LCLAT1: variants seen among roughly 807,000 people sequenced by gnomAD.
The protein encoded by LCLAT1 is 1-AGP acyltransferase 8.
LCLAT1 carries 11 observed loss-of-function variants against 30.7 expected under a neutral mutation model. That is an observed-to-expected ratio of 0.36 (90% CI 0.23 to 0.59). The LOEUF is 0.59. Ranked by LOEUF, LCLAT1 falls within the 20% of genes least tolerant of loss-of-function variation. The pLI, the probability that LCLAT1 is intolerant of heterozygous loss-of-function variation, is 0.77. For synonymous variants in LCLAT1, 155 were observed against 151.3 expected (o/e 1.02, Z -0.18); for missense variants, 402 against 458.6 (o/e 0.88, Z 1.13).
intron 5 of LCLAT1, among the ~76,000 whole-genome samples, chr2:30,608,685 C>CCA (rs1394171341): frequency 6.6e-6 from 1 of 152,096 alleles, no homozygotes; most frequent in Non-Finnish European, 1.5e-5. Flanking sequence ...GAGCAACAGG[C>CCA]CATACCATAT....
At chr2:30,462,186 T>C (rs1398330640) in intron 1 of LCLAT1, among the ~76,000 whole-genome samples, 1 of 152,182 alleles carries the variant, frequency 6.6e-6, no homozygotes, top group East Asian at 1.9e-4. Context: ...TGGAGTCCAA[T>C]AGGCTCAAAT....
At chr2:30,559,378 GTCA>G (rs1665087937) in intron 3 of LCLAT1, among the ~76,000 whole-genome samples, 1 of 152,142 alleles carries the variant, frequency 6.6e-6, no homozygotes, top group Non-Finnish European at 1.5e-5. Context: ...CACCAACTCA[GTCA>G]TTACCCACTT....
At chr2:30,559,492 A>C (rs1237660801) in intron 3 of LCLAT1, among the ~76,000 whole-genome samples, 1 of 152,188 alleles carries the variant, frequency 6.6e-6, no homozygotes, top group East Asian at 1.9e-4. Context: ...TTGCAGGTGT[A>C]CTTTTGATTT....
chr2:30,622,550 C>T (rs371923257), intron 5 of LCLAT1, among the ~76,000 whole-genome samples: 19 of 152,284 alleles, frequency 1.2e-4, no homozygotes, highest in African/African-American at 2.4e-4. Flanking sequence ...TCACAGAGTC[C>T]GCTTCACTCC....
chr2:30,629,605 A>G (rs1208614115), intron 5 of LCLAT1, among the ~76,000 whole-genome samples: 2 of 152,226 alleles, frequency 1.3e-5, no homozygotes, highest in African/African-American at 4.8e-5. Context: ...TTCTTAAATT[A>G]CAATACCAAG....
chr2:30,477,572 G>T (rs1350111320), intron 1 of LCLAT1, among the ~76,000 whole-genome samples: 1 of 152,074 alleles, frequency 6.6e-6, no homozygotes, highest in African/African-American at 2.4e-5. Flanking sequence ...TGACCCTAAT[G>T]GCCTGAGCAC....
At chr2:30,574,100 C>G (rs572290766) in intron 5 of LCLAT1, among the ~76,000 whole-genome samples, 4 of 151,874 alleles carry the variant, frequency 2.6e-5, no homozygotes, top group Non-Finnish European at 5.9e-5. Flanking sequence ...TGAGATTGCA[C>G]CACTATACTC....
In LCLAT1 at chr2:30,521,751, C is replaced by A. The variant is rs150723127; in HGVS notation, c.-4-3836C>A. 9.7e-3 allele frequency among the ~76,000 whole-genome samples: 1,466 copies of A among 151,906 alleles called. 21 individuals are homozygous for A. The highest frequency in any genetic ancestry group is 0.033 in the African/African-American group (1,368 of 41,402). ...CGATCTCCTGACCTCGTGATCTGCT[C>A]CCCTTGGCCTCCCAAAATGCTGGGA... On this transcript the variant is annotated intron_variant, in intron 1 of 5. Coordinates refer to ENST00000379509, the MANE Select transcript of LCLAT1 (RefSeq NM_001002257.3).
chr2:30,605,652 T>C (rs1388060816), intron 5 of LCLAT1, among the ~76,000 whole-genome samples: 1 of 152,160 alleles, frequency 6.6e-6, no homozygotes, highest in Non-Finnish European at 1.5e-5. Flanking sequence ...GAGTGAAATA[T>C]ACATTTCCTC....
At chr2:30,636,682 A>C (rs2609943) in intron 5 of LCLAT1, among the ~76,000 whole-genome samples, 2 of 152,064 alleles carry the variant, frequency 1.3e-5, no homozygotes, top group African/African-American at 4.8e-5. Flanking sequence ...ACAGACACAC[A>C]TGGTACACAC....
chr2:30,561,275 C>T (rs1665207924), intron 3 of LCLAT1, among the ~76,000 whole-genome samples: 1 of 152,132 alleles, frequency 6.6e-6, no homozygotes, highest in African/African-American at 2.4e-5. Flanking sequence ...GCCTCAGCCC[C>T]TCTGCTCTTT....
intron 5 of LCLAT1, among the ~76,000 whole-genome samples, chr2:30,586,241 CAAAA>C (rs148993331): frequency 6.4e-5 from 5 of 77,770 alleles, no homozygotes; most frequent in Non-Finnish European, 1.1e-4. Context: ...GACTCCGTCT[CAAAA>C]AAAAAAAAAA....
chr2:30,487,470 T>C (rs1020066803), intron 1 of LCLAT1, among the ~76,000 whole-genome samples: 9 of 152,226 alleles, frequency 5.9e-5, no homozygotes, highest in African/African-American at 2.2e-4. Context: ...TCTATAAACA[T>C]TAAACTTTTA....
At chr2:30,529,964 A>G (rs1357017562) in intron 2 of LCLAT1, among the ~76,000 whole-genome samples, 1 of 152,240 alleles carries the variant, frequency 6.6e-6, no homozygotes, top group Non-Finnish European at 1.5e-5. Flanking sequence ...AGCAGCGGGC[A>G]TGATGGTAAA....
At chr2:30,454,000 G>A (rs759459157) in intron 1 of LCLAT1, among the ~76,000 whole-genome samples, 4 of 152,206 alleles carry the variant, frequency 2.6e-5, no homozygotes, top group Non-Finnish European at 4.4e-5. Context: ...TTCAGAGTCT[G>A]TGCTCTTAAT....
chr2:30,557,633 T>C (rs1338697400), intron 3 of LCLAT1, among the ~76,000 whole-genome samples: 1 of 152,042 alleles, frequency 6.6e-6, no homozygotes, highest in African/African-American at 2.4e-5. Flanking sequence ...CAGGCTGGTC[T>C]CGAACTCCTG....
Position 30,533,185 on chromosome 2 carries a change from AGT to A in LCLAT1, c.238_239del (p.Val80HisfsTer22). The A allele has an allele frequency of 6.2e-7, 1 of 1,614,072 alleles. No homozygotes were observed. Among genetic ancestry groups the A allele is most frequent in the Non-Finnish European group, 8.5e-7 (1 of 1,179,896 alleles). The part of the protein sequence containing the change: ...TGDAFVPGER[S>X]VIIMNHRTRM... ...GGATGCATTTGTTCCTGGAGAAAGAAGTGTCATTATCATGAACCATCGGACAA... is the reference window on the plus strand; with the variant it reads ...GGATGCATTTGTTCCTGGAGAAAGAAGTCATTATCATGAACCATCGGACAA... On this transcript the variant is annotated frameshift_variant, in exon 3 of 6. Coordinates refer to ENST00000379509, the MANE Select transcript of LCLAT1 (RefSeq NM_001002257.3). LOFTEE classifies it high-confidence loss of function.
At chr2:30,532,718 C>T (rs1417398154) in intron 2 of LCLAT1, among the ~76,000 whole-genome samples, 2 of 150,748 alleles carry the variant, frequency 1.3e-5, no homozygotes, top group African/African-American at 2.4e-5. Context: ...TTTACCTTTC[C>T]GGGATTTTTT....
chr2:30,612,963 G>A (rs1034755849), intron 5 of LCLAT1, among the ~76,000 whole-genome samples: 1 of 152,098 alleles, frequency 6.6e-6, no homozygotes, highest in Admixed American at 6.6e-5. Flanking sequence ...CAGATGATGG[G>A]GCTTACAGAG....
Sources: allele counts gnomAD v4.1 joint callset (sites outside exome capture counted in the v4.1 genomes callset), GRCh38; gene constraint gnomAD v4.1.1; transcripts MANE v1.5; gene names NCBI Gene and HGNC (gene_info 2026-07-23, HGNC 2026-07-21).